The following ZNF808 variants were observed in gnomAD, a reference collection of about 807,000 sequenced individuals.
ZNF808 encodes zinc finger protein 808.
In ZNF808, 5 loss-of-function variants were observed where a neutral mutation model predicts 8.7. The observed-to-expected ratio is 0.58, with a 90% CI of 0.30 to 1.21. The LOEUF is 1.21. ZNF808 is among the 50% of genes most tolerant of loss of function. The probability of loss-of-function intolerance (pLI) is 0.07; values close to 1 mark genes in which losing one functional copy is unlikely to be tolerated. For synonymous variants in ZNF808, 380 were observed against 366.0 expected, an observed-to-expected ratio of 1.04 and a Z score of -0.44; for missense variants, 1,103 against 1,098.4, an observed-to-expected ratio of 1.00 and a Z score of -0.06.
chr19:52,552,927 G>T (rs1166218756), intron 4 of ZNF808, among the ~76,000 whole-genome samples, 180 bp from the exon 5 acceptor site: 1 of 152,076 alleles, frequency 6.6e-6, no homozygotes, highest in Non-Finnish European at 1.5e-5. Flanking sequence ...GAATTGATTT[G>T]AAGGACATGT....
rs1368914054 is a variant in ZNF808 at position 52,553,861 on chromosome 19, C to T, written c.945C>T (p.Tyr315=). Residue 315 remains tyrosine, a synonymous_variant, in exon 5 of 5, where the codon TAC becomes TAT. Coordinates refer to ENST00000359798, the MANE Select transcript of ZNF808 (RefSeq NM_001039886.4). The part of the protein sequence containing the change: ...HHRLHTGVKP[Y]KCNECGKVFR... The stretch of plus-strand genomic sequence containing the variant: ...GACTTCATACTGGAGTAAAACCTTA[C>T]AAGTGTAATGAGTGTGGCAAGGTCT... 3 of 1,614,044 alleles carry T rather than the reference C, an allele frequency of 1.9e-6. No individual in the cohort carries two copies. The highest frequency in any genetic ancestry group is 2.5e-6 in the Non-Finnish European group (3 of 1,180,044).
At chr19:52,535,147 T>C (rs928322049) in intron 2 of ZNF808, among the ~76,000 whole-genome samples, 4 of 150,856 alleles carry the variant, frequency 2.7e-5, no homozygotes, top group African/African-American at 4.9e-5. Flanking sequence ...CTGGCTAACA[T>C]GGTGAAACCC....
intron 3 of ZNF808, among the ~76,000 whole-genome samples, chr19:52,546,727 T>G (rs1239868412): frequency 7.2e-6 from 1 of 139,644 alleles, no homozygotes; most frequent in African/African-American, 2.7e-5. Flanking sequence ...CACTGCAACC[T>G]CCGCCTCCTG....
downstream of ZNF808, among the ~76,000 whole-genome samples, chr19:52,566,449 C>T (rs1177289773): frequency 1.3e-5 from 2 of 151,908 alleles, no homozygotes; most frequent in Non-Finnish European, 1.5e-5. Context: ...TACAGGTATG[C>T]GCCACTATGC....
chr19:52,537,493 C>G (rs2059624878), intron 2 of ZNF808, among the ~76,000 whole-genome samples: 1 of 151,980 alleles, frequency 6.6e-6, no homozygotes, highest in Non-Finnish European at 1.5e-5. Flanking sequence ...TCAAGACCAG[C>G]CTAGGCAAAA....
chr19:52,545,651 G>A (rs1302067327), intron 3 of ZNF808, among the ~76,000 whole-genome samples: 1 of 151,988 alleles, frequency 6.6e-6, no homozygotes. Flanking sequence ...GGTGGCAGGT[G>A]CCTCAAATCC....
rs753360121 is a variant in ZNF808 at position 52,555,677 on chromosome 19, C to T, written c.*49C>T. ...CAGTAACACTACAACAATTGCAAAT[C>T]ATTGGAGAATCCATGATGAAGAGAA... On this transcript the variant is annotated 3_prime_UTR_variant, in exon 5 of 5. Coordinates refer to ENST00000359798, the MANE Select transcript of ZNF808 (RefSeq NM_001039886.4). 6.4e-7 allele frequency: 1 copy of T among 1,566,802 alleles called. No homozygotes were observed. The highest frequency in any genetic ancestry group is 2.2e-5 in the East Asian group (1 of 44,640).
intron 4 of ZNF808, among the ~76,000 whole-genome samples, chr19:52,550,548 G>A (rs2059766827): frequency 6.6e-6 from 1 of 151,010 alleles, no homozygotes; most frequent in Admixed American, 6.6e-5. Context: ...TTTTTTTAAT[G>A]GAGTTTCCCT....
chr19:52,561,212 CTATATATA>C (rs374488821), downstream of ZNF808, among the ~76,000 whole-genome samples: 2,014 of 39,600 alleles, frequency 0.051, 57 homozygotes, highest in South Asian at 0.071. Flanking sequence ...CTCTCTCTCT[CTATATATA>C]TATATATATA....
In ZNF808 at chr19:52,555,098, A is replaced by C. The variant is rs926856406; in HGVS notation, c.2182A>C (p.Ile728Leu). 1 of 1,614,010 alleles carries C rather than the reference A, an allele frequency of 6.2e-7. No individual in the cohort carries two copies. Among genetic ancestry groups the C allele is most frequent in the Non-Finnish European group, 8.5e-7 (1 of 1,179,994 alleles). Residue 728 changes from isoleucine (I) to leucine (L), a missense_variant, in exon 5 of 5, where the codon ATT (isoleucine) becomes CTT (leucine). Physicochemically the swap from Ile to Leu is conservative, Grantham distance 5 (BLOSUM62 2). Transcript: ENST00000359798. ...NRSSLVCHRR[I>L]HSGEKPYKCS... ...GTCATCCCTTGTATGCCATCGTAGA[A>C]TTCATAGTGGTGAGAAACCTTACAA...
intron 2 of ZNF808, among the ~76,000 whole-genome samples, chr19:52,534,397 G>GT (rs2059586413): frequency 6.6e-6 from 1 of 152,110 alleles, no homozygotes; most frequent in Non-Finnish European, 1.5e-5. Flanking sequence ...GGGTTGTATA[G>GT]AACACTGAAG....
intron 2 of ZNF808, among the ~76,000 whole-genome samples, chr19:52,535,406 A>C (rs2059597832): frequency 6.7e-6 from 1 of 148,904 alleles, no homozygotes; most frequent in Non-Finnish European, 1.5e-5. Flanking sequence ...GCCCTGCGGG[A>C]GGGGGTGTTA....
intron 4 of ZNF808, among the ~76,000 whole-genome samples, chr19:52,551,356 CAAA>C (rs58565837): frequency 5.6e-5 from 7 of 125,168 alleles, no homozygotes; most frequent in Admixed American, 1.7e-4. Flanking sequence ...CATTTGCCAC[CAAA>C]AAAAAAAAAA....
chr19:52,555,840 CA>C lies in ZNF808; in HGVS notation c.*216del. 1 of 784,660 alleles carries C rather than the reference CA, an allele frequency of 1.3e-6. No individual in the cohort carries two copies. The highest frequency in any genetic ancestry group is 2.2e-6 in the Non-Finnish European group (1 of 450,062). 48.6% of individuals were successfully genotyped at this position (784,660 alleles called of 1,614,324 possible). ...GTCTTCAGTCAAGCTTCATCCTATG[CA>C]AAACAGGAGAATTCATACAGGAGAG... On this transcript the variant is annotated 3_prime_UTR_variant, in exon 5 of 5. Transcript: ENST00000359798.
At chr19:52,543,100 A>G (rs2059687973) in intron 2 of ZNF808, among the ~76,000 whole-genome samples, 166 bp from the exon 3 acceptor site, 1 of 151,784 alleles carries the variant, frequency 6.6e-6, no homozygotes, top group Non-Finnish European at 1.5e-5. Context: ...TCAAACATAC[A>G]CTTGTAGGTC....
At chr19:52,528,971 G>A (rs2059536339) in intron 1 of ZNF808, among the ~76,000 whole-genome samples, 1 of 151,396 alleles carries the variant, frequency 6.6e-6, no homozygotes, top group Non-Finnish European at 1.5e-5. Context: ...AAGAGAAGAG[G>A]GGTACAAAAT....
chr19:52,545,273 G>A (rs1280158251), intron 3 of ZNF808, among the ~76,000 whole-genome samples: 1 of 152,200 alleles, frequency 6.6e-6, no homozygotes. Context: ...AGATTACAGT[G>A]ATTCTGTTGC....
intron 2 of ZNF808, among the ~76,000 whole-genome samples, chr19:52,537,140 C>G (rs1217972836): frequency 6.6e-6 from 1 of 151,786 alleles, no homozygotes; most frequent in Non-Finnish European, 1.5e-5. Context: ...GAGCCGAGAT[C>G]GCACCATTGC....
intron 2 of ZNF808, among the ~76,000 whole-genome samples, chr19:52,536,454 TC>T (rs1279245275): frequency 1.3e-5 from 2 of 152,054 alleles, no homozygotes; most frequent in Non-Finnish European, 2.9e-5. Flanking sequence ...TTCTGCCTGG[TC>T]CTGGAATTCT....
Sources: allele counts gnomAD v4.1 joint callset (sites outside exome capture counted in the v4.1 genomes callset), GRCh38; gene constraint gnomAD v4.1.1; transcripts MANE v1.5; gene names NCBI Gene and HGNC (gene_info 2026-07-23, HGNC 2026-07-21).